DNAAF9: variants seen among roughly 807,000 people sequenced by gnomAD.
DNAAF9 encodes shulin.
Under a neutral mutation model 167.0 loss-of-function variants are expected in DNAAF9, and 90 were observed. That is an observed-to-expected ratio of 0.54 (90% confidence interval 0.45 to 0.64). The LOEUF is 0.64. Among genes scored for constraint, DNAAF9 ranks in the 30% least tolerant of loss-of-function variants. DNAAF9 has a pLI of 0.00. For missense variants in DNAAF9, 1,315 were observed against 1,442.2 expected (o/e 0.91, Z 1.43); for synonymous variants, 491 against 508.8 (o/e 0.96, Z 0.47).
chr20:3,287,561 C>T lies in DNAAF9; in HGVS notation c.2486+71G>A, dbSNP rs994575255. 4 of 1,456,806 alleles carry T rather than the reference C, an allele frequency of 2.7e-6. No individual in the cohort carries two copies. In the African/African-American group the frequency reaches 5.6e-5, roughly 20 times the overall value. 90.2% of individuals were successfully genotyped at this position (1,456,806 alleles called of 1,614,324 possible). A position where few individuals can be genotyped will look rare whatever the true frequency, so the allele number is the denominator to read the frequency against. On this transcript the variant is annotated intron_variant, in intron 27 of 36. Transcript: ENST00000252032. The stretch of plus-strand genomic sequence containing the variant: ...TCTGTTCTGTGCTCCAGGTTTGTTA[C>T]ACATAAAATAAGAGTAATGGCAAGG...
At chr20:3,316,366 A>G (rs2069500014) in intron 18 of DNAAF9, among the ~76,000 whole-genome samples, 1 of 152,166 alleles carries the variant, frequency 6.6e-6, no homozygotes, top group African/African-American at 2.4e-5. Flanking sequence ...TCTACCAGGG[A>G]AGCAAGTCAC....
chr20:3,335,738 C>T (rs1049504999), intron 10 of DNAAF9, among the ~76,000 whole-genome samples: 3 of 108,270 alleles, frequency 2.8e-5, no homozygotes, highest in Non-Finnish European at 5.3e-5. Flanking sequence ...GTCTGGGTGA[C>T]AAGAGCAAAA....
At chr20:3,284,654 C>T (rs1324450734) in intron 27 of DNAAF9, among the ~76,000 whole-genome samples, 1 of 152,174 alleles carries the variant, frequency 6.6e-6, no homozygotes, top group Non-Finnish European at 1.5e-5. Context: ...ATAATCTATT[C>T]AAGTCTCCTT....
chr20:3,296,108 T>C lies in DNAAF9; in HGVS notation c.2018+753A>G, dbSNP rs1376487713. ...GTGAAGCTTGTTTGGATCAGGAAAA[T>C]GCACTTTACATGTACAAGGTAAATT... On this transcript the variant is annotated intron_variant, in intron 23 of 36. Coordinates refer to ENST00000252032, the MANE Select transcript of DNAAF9 (RefSeq NM_001009984.3). 6 of 677,480 alleles carry C rather than the reference T, an allele frequency of 8.9e-6. 1 individual carries two copies. In the East Asian group the frequency reaches 1.9e-4, roughly 21 times the overall value. The allele number at this position is 677,480 out of a possible 1,614,324, so 42.0% of individuals were successfully genotyped here.
At chr20:3,343,862 T>C (rs2070136633) in intron 8 of DNAAF9, 131 bp from the exon 9 acceptor site, 15 of 582,130 alleles carry the variant, frequency 2.6e-5, no homozygotes, top group Admixed American at 5.5e-5. Context: ...TGTGTGTGCG[T>C]GTGTGCATGT....
chr20:3,386,218 C>A (rs550606311), intron 1 of DNAAF9, among the ~76,000 whole-genome samples: 1 of 152,210 alleles, frequency 6.6e-6, no homozygotes, highest in African/African-American at 2.4e-5. Flanking sequence ...ATCACTCTAC[C>A]CAATGTCAAG....
rs911330107 is a variant in DNAAF9, at chr20:3,252,476, C to T, written c.*96G>A. 10 of 751,112 alleles carry T rather than the reference C, an allele frequency of 1.3e-5. No homozygotes were observed. Among genetic ancestry groups the T allele is most frequent in the Non-Finnish European group, 2.4e-5 (10 of 414,558 alleles). 46.5% of individuals were successfully genotyped at this position (751,112 alleles called of 1,614,324 possible). ...AGGCCAAGGAGAACAAAGACAGCCCCTTAAGGGAGAGGCCTCCAGCAGAGC... is the reference window on the plus strand; with the variant it reads ...AGGCCAAGGAGAACAAAGACAGCCCTTTAAGGGAGAGGCCTCCAGCAGAGC... On this transcript the variant is annotated 3_prime_UTR_variant, in exon 37 of 37. Coordinates refer to ENST00000252032, the MANE Select transcript of DNAAF9 (RefSeq NM_001009984.3).
intron 25 of DNAAF9, 107 bp from the exon 26 acceptor site, chr20:3,290,324 A>G: frequency 1.3e-6 from 1 of 743,502 alleles, no homozygotes; most frequent in Non-Finnish European, 2.4e-6. Flanking sequence ...TGTGAACCTC[A>G]GTATGACCTC....
chr20:3,263,050 C>T (rs755550358), intron 31 of DNAAF9, among the ~76,000 whole-genome samples: 5 of 144,024 alleles, frequency 3.5e-5, no homozygotes, highest in Non-Finnish European at 7.5e-5. Context: ...TCTCAGCTCA[C>T]TGCAAGCTCC....
At chr20:3,284,871 A>G (rs949029645) in intron 27 of DNAAF9, among the ~76,000 whole-genome samples, 3 of 150,476 alleles carry the variant, frequency 2.0e-5, no homozygotes, top group African/African-American at 4.9e-5. Context: ...GTGTGTGTGT[A>G]TGTGTGTGTG....
At chr20:3,277,995 G>A (rs2122845216) in intron 29 of DNAAF9, among the ~76,000 whole-genome samples, 1 of 152,272 alleles carries the variant, frequency 6.6e-6, no homozygotes, top group African/African-American at 2.4e-5. Flanking sequence ...ATTTCTGCTT[G>A]CTGGACTAGC....
At position 3,369,752 on chromosome 20, in the gene DNAAF9, CCTTT is replaced by C. The variant is rs377149781; in HGVS notation, c.612+4292_612+4295del. On this transcript the variant is annotated intron_variant, in intron 6 of 36. Transcript: ENST00000252032. Reference sequence around the variant, plus strand: ...CTATCTCCGTGATGTTTTTATTTTACCTTTCTAAGGAGTTTCCTAACTTTACCTT... The same window carrying C: ...CTATCTCCGTGATGTTTTTATTTTACCTAAGGAGTTTCCTAACTTTACCTT... Among the ~76,000 whole-genome samples the C allele has an allele frequency of 4.6e-5, 7 of 152,174 alleles. No homozygotes were observed. In the South Asian group the frequency reaches 8.3e-4, roughly 18 times the overall value.
intron 33 of DNAAF9, among the ~76,000 whole-genome samples, chr20:3,257,653 C>G (rs896097547): frequency 2.6e-5 from 4 of 152,124 alleles, no homozygotes. Flanking sequence ...AAGTGATTCT[C>G]CTACCTCAGC....
chr20:3,336,260 T>TTTTTTTTG (rs1555793458), intron 10 of DNAAF9, among the ~76,000 whole-genome samples: 5 of 141,778 alleles, frequency 3.5e-5, no homozygotes, highest in African/African-American at 1.4e-4. Context: ...GCGTTTTTGT[T>TTTTTTTTG]TTTTTTTTTT....
Position 3,256,315 on chromosome 20 carries a change from T to C in DNAAF9, c.3056-104A>G, listed in dbSNP as rs1238852647. 3.6e-6 allele frequency: 3 copies of C among 837,466 alleles called. No individual in the cohort carries two copies. The East Asian group carries it at 7.7e-5, about 21-fold the overall frequency. The allele number at this position is 837,466 out of a possible 1,614,324, so 51.9% of individuals were successfully genotyped here. On this transcript the variant is annotated intron_variant, in intron 33 of 36. Coordinates refer to ENST00000252032, the MANE Select transcript of DNAAF9 (RefSeq NM_001009984.3). Reference sequence around the variant, plus strand: ...TGGTTGGGATAGATTCATGAGAAAATGCAAGAGACAGAACTGATGTGACTG... The same window carrying C: ...TGGTTGGGATAGATTCATGAGAAAACGCAAGAGACAGAACTGATGTGACTG...
At chr20:3,327,529 A>T (rs534240018) in intron 12 of DNAAF9, among the ~76,000 whole-genome samples, 61 of 152,284 alleles carry the variant, frequency 4.0e-4, no homozygotes, top group African/African-American at 1.5e-3. Context: ...GGAACTGACA[A>T]GGTCTCACCT....
chr20:3,269,266 A>G (rs973742105), intron 30 of DNAAF9, among the ~76,000 whole-genome samples: 1 of 150,406 alleles, frequency 6.6e-6, no homozygotes, highest in African/African-American at 2.5e-5. Flanking sequence ...CTGGAGTGCA[A>G]TGGTGTGATC....
At chr20:3,318,231 T>C (rs2069544207) in intron 17 of DNAAF9, 58 bp downstream of exon 17, 2 of 691,524 alleles carry the variant, frequency 2.9e-6, no homozygotes, top group African/African-American at 3.3e-5. Flanking sequence ...TAGTTTATTT[T>C]GCCAAAAAAA....
chr20:3,307,983 A>AAC, intron 20 of DNAAF9, among the ~76,000 whole-genome samples: 1 of 151,324 alleles, frequency 6.6e-6, no homozygotes, highest in East Asian at 1.9e-4. Context: ...AAAAAAAAAA[A>AAC]AAAAACTAAA....
Sources: gnomAD v4.1 joint callset for allele counts (sites outside exome capture counted in the v4.1 genomes callset) on GRCh38, gnomAD v4.1.1 for gene constraint, MANE v1.5 for transcripts, NCBI Gene and HGNC (gene_info 2026-07-23, HGNC 2026-07-21) for gene names.